Variants in DNAAF9 observed in about 807,000 individuals in gnomAD.
The protein encoded by DNAAF9 is dynein axonemal assembly factor 9.
In DNAAF9, 90 loss-of-function variants were observed where a neutral mutation model predicts 167.0. The observed-to-expected ratio is 0.54, with a 90% CI of 0.45 to 0.64. The LOEUF (loss-of-function observed/expected upper bound fraction) is 0.64. Ranked by LOEUF, DNAAF9 falls within the 30% of genes least tolerant of loss-of-function variation. The pLI is 0.00. For synonymous variants in DNAAF9, 491 were observed against 508.8 expected (o/e 0.96, Z 0.47); for missense variants, 1,315 against 1,442.2 (o/e 0.91, Z 1.43).
In DNAAF9 at chr20:3,381,446, T is replaced by C. The variant is rs775567564; in HGVS notation, c.216A>G (p.Leu72=). The change falls in exon 3 of 37, where the codon CTA becomes CTG. Residue 72 remains leucine (L), a synonymous_variant. Transcript: ENST00000252032. ...TGGTATTCTGATTGTACAAACCAAA[T>C]AGAAGATAATTTGCCAGCTCTCTGC... is the stretch of plus-strand genomic sequence containing the variant. ...EGCRELANYL[L]FGLYNQNTSD... is the part of the protein sequence containing the mutation. 22 of 1,613,106 alleles carry C rather than the reference T, an allele frequency of 1.4e-5. No homozygotes were observed. The East Asian group carries it at 4.5e-4, about 33-fold the overall frequency.
intron 30 of DNAAF9, among the ~76,000 whole-genome samples, chr20:3,267,844 A>G (rs1213867426): frequency 6.6e-6 from 1 of 152,066 alleles, no homozygotes; most frequent in African/African-American, 2.4e-5. Flanking sequence ...AAATAAAATA[A>G]AATAAATATT....
intron 18 of DNAAF9, chr20:3,316,057 T>C (rs549977378): frequency 1.8e-5 from 9 of 494,174 alleles, no homozygotes; most frequent in African/African-American, 1.5e-4. Context: ...TCCACCTGTA[T>C]TTCACTTCAG....
rs779070939 is a variant in DNAAF9, at chr20:3,294,604, T to C, written c.2044A>G (p.Ser682Gly). Residue 682 changes from serine (S) to glycine (G), a missense_variant, in exon 24 of 37, where the codon AGT becomes GGT. Coordinates refer to ENST00000252032, the MANE Select transcript of DNAAF9 (RefSeq NM_001009984.3). Reference sequence around the variant, plus strand: ...TCCCCAGCAGGCTGGCTCAGGGCACTGAAGAGCTTCTGTGCACTGGAGTGC... The same window carrying C: ...TCCCCAGCAGGCTGGCTCAGGGCACCGAAGAGCTTCTGTGCACTGGAGTGC... ...RLHSSAQKLF[S>G]ALSQPAGEKR... The C allele has an allele frequency of 6.2e-7, 1 of 1,612,640 alleles. No homozygotes were observed. The highest frequency in any genetic ancestry group is 8.5e-7 in the Non-Finnish European group (1 of 1,178,616).
intron 34 of DNAAF9, 103 bp downstream of exon 34, chr20:3,255,903 G>T (rs532069767): frequency 2.4e-6 from 2 of 833,516 alleles, no homozygotes; most frequent in East Asian, 2.6e-5. Flanking sequence ...GAAGCCCAGT[G>T]GGGAGGCATC....
At chr20:3,294,679 T>G (rs369832576) in intron 23 of DNAAF9, 50 bp from the exon 24 acceptor site, 1 of 1,183,264 alleles carries the variant, frequency 8.5e-7, no homozygotes, top group Non-Finnish European at 1.3e-6. Context: ...CTTCAGCATA[T>G]ACACTTTACA....
Position 3,290,177 on chromosome 20 carries a change from G to T in DNAAF9, c.2279C>A (p.Ala760Asp), listed in dbSNP as rs369386571. 6 of 1,613,256 alleles carry T rather than the reference G, an allele frequency of 3.7e-6. No individual in the cohort carries two copies. Among genetic ancestry groups the T allele is most frequent in the African/African-American group, 1.3e-5 (1 of 75,034 alleles). The change falls in exon 26 of 37, where the codon GCT becomes GAT. Residue 760 changes from alanine (A) to aspartate (D), a missense_variant. Transcript: ENST00000252032. ...GACCAGAAAAGCACAGAGCTCGCTA[G>T]CGTGACAGCCTGGGAGGCCGGTTAC... ...SIVTGLPGCH[A>D]SELCAFLVTL...
At chr20:3,304,003 C>T (rs2069241630) in intron 21 of DNAAF9, among the ~76,000 whole-genome samples, 1 of 152,214 alleles carries the variant, frequency 6.6e-6, no homozygotes. Context: ...GGCTCACTTA[C>T]AATCCTGTCC....
At chr20:3,273,875 T>C (rs1454613674) in intron 29 of DNAAF9, among the ~76,000 whole-genome samples, 1 of 152,232 alleles carries the variant, frequency 6.6e-6, no homozygotes, top group African/African-American at 2.4e-5. Context: ...GAAGATCTGC[T>C]GAGTATATAC....
chr20:3,264,640 G>T, intron 30 of DNAAF9, 116 bp from the exon 31 acceptor site: 1 of 666,762 alleles, frequency 1.5e-6, no homozygotes, highest in Non-Finnish European at 2.7e-6. Flanking sequence ...TGCAATCTTG[G>T]CTCATTGCAA....
At chr20:3,260,731 G>A (rs1018995124) in intron 31 of DNAAF9, among the ~76,000 whole-genome samples, 1 of 152,068 alleles carries the variant, frequency 6.6e-6, no homozygotes, top group Non-Finnish European at 1.5e-5. Context: ...CTGGGTTCAA[G>A]CAATTCTCCT....
At chr20:3,280,744 T>C (rs1388483963) in intron 28 of DNAAF9, among the ~76,000 whole-genome samples, 2 of 151,544 alleles carry the variant, frequency 1.3e-5, no homozygotes, top group Non-Finnish European at 2.9e-5. Flanking sequence ...GCCTCCCAAG[T>C]AGCTGGGACT....
rs773388102 is a variant in DNAAF9, at chr20:3,372,020, G to A, written c.612+2028C>T. On this transcript the variant is annotated intron_variant, in intron 6 of 36. Coordinates refer to ENST00000252032, the MANE Select transcript of DNAAF9 (RefSeq NM_001009984.3). ...CCAGCATAAATGGCAAGTAAAAGCT[G>A]TGGCTGGGCCTGGTTTTCTTTCTCA... Among the ~76,000 whole-genome samples the A allele has an allele frequency of 5.9e-5, 9 of 152,240 alleles. 1 individual carries two copies. The highest frequency in any genetic ancestry group is 1.3e-4 in the Non-Finnish European group (9 of 68,048).
chr20:3,314,955 T>C, intron 20 of DNAAF9, 78 bp downstream of exon 20: 1 of 773,388 alleles, frequency 1.3e-6, no homozygotes, highest in Non-Finnish European at 2.3e-6. Flanking sequence ...GATGTATTAT[T>C]AATTACAACA....
intron 21 of DNAAF9, among the ~76,000 whole-genome samples, chr20:3,302,316 G>T (rs954012624): frequency 6.6e-6 from 1 of 152,092 alleles, no homozygotes; most frequent in Non-Finnish European, 1.5e-5. Context: ...TTCAATACAT[G>T]TATACATTAT....
chr20:3,304,986 A>C (rs1344211795), intron 20 of DNAAF9, among the ~76,000 whole-genome samples: 1 of 152,204 alleles, frequency 6.6e-6, no homozygotes, highest in Non-Finnish European at 1.5e-5. Context: ...TCTCAGCTGA[A>C]GACTGGTGAA....
chr20:3,276,708 G>A (rs922090917), intron 29 of DNAAF9, among the ~76,000 whole-genome samples: 7 of 152,204 alleles, frequency 4.6e-5, no homozygotes, highest in Non-Finnish European at 1.0e-4. Context: ...ATGCCAAGGA[G>A]CTGAGGTGCA....
At chr20:3,295,040 T>A (rs1340635804) in intron 23 of DNAAF9, among the ~76,000 whole-genome samples, 2 of 151,920 alleles carry the variant, frequency 1.3e-5, no homozygotes, top group African/African-American at 2.4e-5. Context: ...TAATTTTGTG[T>A]TTGTATTTTT....
intron 27 of DNAAF9, among the ~76,000 whole-genome samples, chr20:3,283,857 T>C (rs1428365252): frequency 6.6e-6 from 1 of 151,956 alleles, no homozygotes; most frequent in Admixed American, 6.6e-5. Flanking sequence ...GCTTGAGGAG[T>C]CATTTTAATA....
intron 1 of DNAAF9, among the ~76,000 whole-genome samples, chr20:3,396,970 G>C (rs920830477): frequency 6.6e-6 from 1 of 152,248 alleles, no homozygotes; most frequent in Non-Finnish European, 1.5e-5. Context: ...CTGCTGGACA[G>C]GCATGGTGGC....
Sources: gnomAD v4.1 joint callset for allele counts (sites outside exome capture counted in the v4.1 genomes callset) on GRCh38, gnomAD v4.1.1 for gene constraint, MANE v1.5 for transcripts, NCBI Gene and HGNC (gene_info 2026-07-23, HGNC 2026-07-21) for gene names.